The following C14orf39 variants were observed in gnomAD, a reference collection of about 807,000 sequenced individuals.
C14orf39 encodes the protein chromosome 14 open reading frame 39, also known as protein SIX6OS1.
A neutral mutation model predicts 85.6 loss-of-function variants in C14orf39; 66 were observed. The observed-to-expected ratio is 0.77, with a 90% CI of 0.63 to 0.95. C14orf39 has a LOEUF of 0.95. Among genes scored for constraint, C14orf39 ranks in the 40% least tolerant of loss-of-function variants. C14orf39 has a pLI of 0.00. For missense variants in C14orf39, 735 were observed against 663.9 expected, an observed-to-expected ratio of 1.11 and a Z score of -1.18; for synonymous variants, 242 against 214.0, an observed-to-expected ratio of 1.13 and a Z score of -1.14.
At chr14:60,490,927 C>T (rs1364575703), upstream of C14orf39, among the ~76,000 whole-genome samples, 1 of 152,198 alleles carries the variant, frequency 6.6e-6, no homozygotes, top group Non-Finnish European at 1.5e-5. Context: ...AATTCAAAAT[C>T]TTGGGTAGAT....
intron 1 of C14orf39, among the ~76,000 whole-genome samples, chr14:60,503,970 G>A (rs946052408): frequency 2.0e-5 from 3 of 152,128 alleles, no homozygotes; most frequent in African/African-American, 4.8e-5. Context: ...TAACAGCAGT[G>A]TTATTGACTT....
chr14:60,448,436 A>G (rs538057378), intron 16 of C14orf39, among the ~76,000 whole-genome samples: 2 of 152,358 alleles, frequency 1.3e-5, no homozygotes, highest in East Asian at 3.9e-4. Flanking sequence ...AAAAATGCTC[A>G]TCATCACTGG....
Position 60,484,761 on chromosome 14 carries a change from G to A in C14orf39, c.106+120C>T, listed in dbSNP as rs917804866. On this transcript the variant is annotated intron_variant, in intron 3 of 17. Transcript: ENST00000321731. The surrounding 1 kb of genome is among the most constrained non-coding windows in gnomAD (Gnocchi z 4.2). ...AGGGTAAATAGTTTATTTGTCGCTA[G>A]AGAGAACTGACACAAAAGTTATAAC... The A allele has an allele frequency of 2.9e-6, 2 of 681,538 alleles. No homozygotes were observed. The highest frequency in any genetic ancestry group is 1.9e-5 in the African/African-American group (1 of 53,942). 42.2% of individuals were successfully genotyped at this position (681,538 alleles called of 1,614,324 possible).
At chr14:60,469,074 GT>G (rs1891938881) in intron 8 of C14orf39, among the ~76,000 whole-genome samples, 1 of 151,258 alleles carries the variant, frequency 6.6e-6, no homozygotes, top group East Asian at 1.9e-4. Context: ...TCCAAGAAAA[GT>G]TTAAAGGCTA....
intron 2 of C14orf39, among the ~76,000 whole-genome samples, chr14:60,492,058 T>G (rs1892997401): frequency 6.6e-6 from 1 of 152,212 alleles, no homozygotes; most frequent in South Asian, 2.1e-4. Context: ...CAATACCCAC[T>G]TCACAGTGTG....
rs1891320749 is a variant in C14orf39, at chr14:60,457,239, TG to T, written c.1180-145del. 6.8e-6 allele frequency: 3 copies of T among 440,634 alleles called. No individual in the cohort carries two copies. In the South Asian group the frequency reaches 2.4e-4, roughly 35 times the overall value. 27.3% of individuals were successfully genotyped at this position (440,634 alleles called of 1,614,324 possible). A position where few individuals can be genotyped will look rare whatever the true frequency, so the allele number is the denominator to read the frequency against. On this transcript the variant is annotated intron_variant, in intron 14 of 17. Coordinates refer to ENST00000321731, the MANE Select transcript of C14orf39 (RefSeq NM_174978.3). ...AAATAACTGAAATAAGAATAACTGG[TG>T]AAAGTAATACTAAAACATATATCAA...
rs750924230 is a variant in C14orf39 at position 60,483,682 on chromosome 14, A to T, written c.233+9T>A. ...AATGCAATGAAAATTGATTCTTTCAAATACTCACTTTCTACAGTTGTCTTT... is the reference window on the plus strand; with the variant it reads ...AATGCAATGAAAATTGATTCTTTCATATACTCACTTTCTACAGTTGTCTTT... On this transcript the variant is annotated intron_variant, in intron 4 of 17. Coordinates refer to ENST00000321731, the MANE Select transcript of C14orf39 (RefSeq NM_174978.3). 6.3e-6 allele frequency: 10 copies of T among 1,576,184 alleles called. No homozygotes were observed. Among genetic ancestry groups the T allele is most frequent in the Middle Eastern group, 3.4e-4 (2 of 5,902 alleles).
intron 4 of C14orf39, 100 bp from the exon 5 acceptor site, chr14:60,478,489 C>A (rs915776946): frequency 1.9e-6 from 1 of 540,188 alleles, no homozygotes; most frequent in Non-Finnish European, 3.0e-6. Context: ...AGAAACGAAT[C>A]TTTCTCTTCC....
intron 8 of C14orf39, among the ~76,000 whole-genome samples, chr14:60,469,179 G>A (rs1891945790): frequency 6.6e-6 from 1 of 150,814 alleles, no homozygotes; most frequent in Non-Finnish European, 1.5e-5. Flanking sequence ...CACTGGCGTA[G>A]ATCTTTTAAT....
At position 60,484,410 on chromosome 14, in the gene C14orf39, A is replaced by G. The variant is rs149054356; in HGVS notation, c.106+471T>C. Among the ~76,000 whole-genome samples the G allele has an allele frequency of 3.6e-3, 543 of 152,242 alleles. 4 individuals carry two copies. The highest frequency in any genetic ancestry group is 0.013 in the African/African-American group (522 of 41,542). On this transcript the variant is annotated intron_variant, in intron 3 of 17. Transcript: ENST00000321731. This position sits in a 1 kb window ranked among gnomAD's most constrained non-coding sequence, Gnocchi z 4.2. Reference sequence around the variant, plus strand: ...AGAAATTTAGAACTCTATTTTTTATAGTTGTTTTGTTGGATCTTAAAATAC... The same window carrying G: ...AGAAATTTAGAACTCTATTTTTTATGGTTGTTTTGTTGGATCTTAAAATAC...
At chr14:60,503,218 C>T (rs991489067) in intron 1 of C14orf39, among the ~76,000 whole-genome samples, 1 of 152,126 alleles carries the variant, frequency 6.6e-6, no homozygotes, top group Admixed American at 6.5e-5. Context: ...CAGTTTCCAC[C>T]CCCGCTCAAA....
At chr14:60,502,608 T>G (rs1361580594) in intron 1 of C14orf39, among the ~76,000 whole-genome samples, 1 of 152,164 alleles carries the variant, frequency 6.6e-6, no homozygotes, top group Non-Finnish European at 1.5e-5. Context: ...AGATTAAAAT[T>G]TCATAGTTTG....
At chr14:60,466,105 A>T in intron 10 of C14orf39, 50 bp from the exon 11 acceptor site, 1 of 845,438 alleles carries the variant, frequency 1.2e-6, no homozygotes, top group Non-Finnish European at 1.7e-6. Flanking sequence ...AACAGAATCA[A>T]GTATCTTCCC....
intron 1 of C14orf39, chr14:60,509,993 G>C: frequency 1.3e-6 from 2 of 1,574,744 alleles, no homozygotes; most frequent in Non-Finnish European, 1.7e-6. Flanking sequence ...AGGCCTCCGC[G>C]CTTTGAGCGC....
chr14:60,484,996 C>CA lies in C14orf39; in HGVS notation c.49+33dup. 1 of 1,588,366 alleles carries CA rather than the reference C, an allele frequency of 6.3e-7. No individual in the cohort carries two copies. On this transcript the variant is annotated intron_variant, in intron 2 of 17. Transcript: ENST00000321731. This position sits in a 1 kb window ranked among gnomAD's most constrained non-coding sequence, Gnocchi z 4.2. ...ATTGTTAAAATATCAAATGATCATA[C>CA]AAAAAGCTACCTATTTTTTCACTTT...
At position 60,481,196 on chromosome 14, in the gene C14orf39, C is replaced by G. The variant is rs542648086; in HGVS notation, c.233+2495G>C. ...AATGTACACATAGATCAAAATATCA[C>G]ATTTTGATCTAAACATACATAATTA... On this transcript the variant is annotated intron_variant, in intron 4 of 17. Transcript: ENST00000321731. 3.2e-4 allele frequency among the ~76,000 whole-genome samples: 49 copies of G among 152,136 alleles called. 1 individual carries two copies. The highest frequency in any genetic ancestry group is 6.8e-3 in the Middle Eastern group (2 of 292).
At position 60,455,268 on chromosome 14, in the gene C14orf39, A is replaced by G. The variant is rs545305727; in HGVS notation, c.1359-123T>C. On this transcript the variant is annotated intron_variant, in intron 15 of 17. Coordinates refer to ENST00000321731, the MANE Select transcript of C14orf39 (RefSeq NM_174978.3). ...TAGTAGGGAAATGTAGGAAGTAGTT[A>G]TTGAAGTGACAATCCTATCGAGAAA... is the stretch of plus-strand genomic sequence containing the variant. 3.5e-5 allele frequency: 22 copies of G among 627,242 alleles called. No individual in the cohort carries two copies. The African/African-American group carries it at 3.9e-4, about 11-fold the overall frequency. The allele number at this position is 627,242 out of a possible 1,614,324, so 38.9% of individuals were successfully genotyped here.
At chr14:60,511,518 G>C in intron 1 of C14orf39, 1 of 581,102 alleles carries the variant, frequency 1.7e-6, no homozygotes, top group Non-Finnish European at 3.1e-6. Flanking sequence ...TAAGGATTTT[G>C]CTGCAAAGTC....
intron 8 of C14orf39, 29 bp from the exon 9 acceptor site, chr14:60,468,565 A>T: frequency 7.9e-7 from 1 of 1,270,268 alleles, no homozygotes; most frequent in Non-Finnish European, 1.1e-6. Context: ...ACACAAAACA[A>T]AATAATTACT....
Sources: allele counts gnomAD v4.1 joint callset (sites outside exome capture counted in the v4.1 genomes callset), GRCh38; gene constraint gnomAD v4.1.1; non-coding constraint Gnocchi (gnomAD v3.1); transcripts MANE v1.5; gene names NCBI Gene and HGNC (gene_info 2026-07-23, HGNC 2026-07-21).